TRPM3: variants seen among roughly 807,000 people sequenced by gnomAD.
The protein encoded by TRPM3 is long transient receptor potential channel 3.
Under a neutral mutation model 181.2 loss-of-function variants are expected in TRPM3, and 77 were observed. The observed-to-expected ratio is 0.42, with a 90% confidence interval of 0.35 to 0.51. The LOEUF is 0.51. Among genes scored for constraint, TRPM3 ranks in the 20% least tolerant of loss-of-function variants. The pLI is 0.01. For missense variants in TRPM3, 1,759 were observed against 2,196.7 expected (o/e 0.80, Z 3.98); for synonymous variants, 745 against 796.4 (o/e 0.94, Z 1.09).
chr9:70,701,156 T>A lies in TRPM3; in HGVS notation c.1273-19578A>T, dbSNP rs2072416160. ...GCCAAATAAAAACAAGTGAATTCTC[T>A]TGGATGAAAACGTTTCTAAAAAGGA... On this transcript the variant is annotated intron_variant, in intron 8 of 25. Coordinates refer to ENST00000677713, the MANE Select transcript of TRPM3 (RefSeq NM_001366145.2). Among the ~76,000 whole-genome samples, 4 of 152,226 alleles carry A rather than the reference T, an allele frequency of 2.6e-5. No homozygotes were observed. The South Asian group carries it at 8.3e-4, about 32-fold the overall frequency.
chr9:71,110,885 C>A (rs1317775908), intron 1 of TRPM3, among the ~76,000 whole-genome samples: 1 of 152,062 alleles, frequency 6.6e-6, no homozygotes, highest in Non-Finnish European at 1.5e-5. Flanking sequence ...CTCACATGAG[C>A]TAATGTCACA....
chr9:71,404,980 T>G (rs969161633), intron 1 of TRPM3, among the ~76,000 whole-genome samples: 143 of 152,226 alleles, frequency 9.4e-4, no homozygotes, highest in African/African-American at 3.4e-3. Context: ...CCATGACCCC[T>G]TCGGCTCCTG....
At chr9:71,003,758 C>T (rs1260869756) in intron 1 of TRPM3, among the ~76,000 whole-genome samples, 1 of 151,210 alleles carries the variant, frequency 6.6e-6, no homozygotes, top group Non-Finnish European at 1.5e-5. Context: ...CCCCCGAAAT[C>T]ACTCCCCCCG....
intron 1 of TRPM3, among the ~76,000 whole-genome samples, chr9:70,951,427 C>T (rs1464908244): frequency 1.3e-5 from 2 of 152,122 alleles, no homozygotes; most frequent in African/African-American, 4.8e-5. Context: ...CTGCAACCTC[C>T]ACCTCCCAGG....
intron 1 of TRPM3, among the ~76,000 whole-genome samples, chr9:71,362,817 T>C (rs1269034681): frequency 6.6e-6 from 1 of 152,190 alleles, no homozygotes; most frequent in African/African-American, 2.4e-5. Context: ...TGGCTCCAGC[T>C]AATGATTGCA....
intron 19 of TRPM3, among the ~76,000 whole-genome samples, chr9:70,609,816 G>A (rs1202928357): frequency 6.6e-6 from 1 of 152,100 alleles, no homozygotes; most frequent in Non-Finnish European, 1.5e-5. Context: ...GTTGTGGAAA[G>A]GGCTAAAAAT....
Position 70,877,117 on chromosome 9 carries a change from G to A in TRPM3, c.178-12606C>T, listed in dbSNP as rs373660259. Among the ~76,000 whole-genome samples the A allele has an allele frequency of 2.0e-4, 31 of 151,896 alleles. No individual in the cohort carries two copies. In the South Asian group the frequency reaches 6.0e-3, roughly 30 times the overall value. On this transcript the variant is annotated intron_variant, in intron 1 of 25. Coordinates refer to ENST00000677713, the MANE Select transcript of TRPM3 (RefSeq NM_001366145.2). ...TTTATTAATGGTCTTTTAAAATGAC[G>A]AATTAGCTCATGGCATTTCATCTCC...
At chr9:71,315,697 AAAAC>A (rs1300084080) in intron 1 of TRPM3, among the ~76,000 whole-genome samples, 2 of 152,210 alleles carry the variant, frequency 1.3e-5, no homozygotes, top group Non-Finnish European at 2.9e-5. Context: ...GTATTTAACT[AAAAC>A]AAAGAGGATA....
intron 1 of TRPM3, among the ~76,000 whole-genome samples, chr9:71,047,092 G>T (rs1409323016): frequency 6.6e-6 from 1 of 152,078 alleles, no homozygotes; most frequent in Non-Finnish European, 1.5e-5. Context: ...AGATCATAAG[G>T]GAAATAAAAG....
chr9:71,034,965 AT>A (rs74670373), intron 1 of TRPM3, among the ~76,000 whole-genome samples: 7 of 151,036 alleles, frequency 4.6e-5, no homozygotes, highest in Admixed American at 1.3e-4. Flanking sequence ...AAAATATATA[AT>A]TTTTTTTTGC....
chr9:71,243,312 T>C (rs1316909809), intron 1 of TRPM3, among the ~76,000 whole-genome samples: 1 of 152,152 alleles, frequency 6.6e-6, no homozygotes, highest in Non-Finnish European at 1.5e-5. Flanking sequence ...GCATGAGCCA[T>C]GGTACCCAGC....
At chr9:70,679,911 T>G (rs1230031872) in intron 9 of TRPM3, among the ~76,000 whole-genome samples, 1 of 152,162 alleles carries the variant, frequency 6.6e-6, no homozygotes, top group African/African-American at 2.4e-5. Flanking sequence ...TGCAGTATGC[T>G]TTGTGGTTCA....
chr9:70,992,514 C>T (rs989435716), intron 1 of TRPM3, among the ~76,000 whole-genome samples: 1 of 152,128 alleles, frequency 6.6e-6, no homozygotes, highest in Non-Finnish European at 1.5e-5. Flanking sequence ...TCTCTTGAAG[C>T]TTATAATGTA....
chr9:70,962,386 G>C (rs1277974308), intron 1 of TRPM3, among the ~76,000 whole-genome samples: 1 of 152,066 alleles, frequency 6.6e-6, no homozygotes, highest in East Asian at 1.9e-4. Flanking sequence ...GCAGTTAAAA[G>C]CCAGGCTCAT....
chr9:70,767,830 T>G (rs1012913377), intron 7 of TRPM3, among the ~76,000 whole-genome samples: 2 of 152,178 alleles, frequency 1.3e-5, no homozygotes, highest in Admixed American at 1.3e-4. Context: ...TGGCTTCTCT[T>G]AAAATGAGGG....
intron 1 of TRPM3, among the ~76,000 whole-genome samples, chr9:71,393,338 T>C (rs1286879233): frequency 1.3e-5 from 2 of 152,122 alleles, no homozygotes; most frequent in Non-Finnish European, 2.9e-5. Context: ...GTTGAGAAAA[T>C]ATCTTTTTAT....
rs79100590 is a variant in TRPM3 at position 71,063,641 on chromosome 9, C to T, written c.177+57537G>A. 1.4e-4 allele frequency among the ~76,000 whole-genome samples: 21 copies of T among 152,058 alleles called. No individual in the cohort carries two copies. In the East Asian group the frequency reaches 4.1e-3, roughly 30 times the overall value. ...GGAGTTAATAATGAGCATAAATGCA[C>T]ATTCAGGAGACATTCAGTAGACAAA... On this transcript the variant is annotated intron_variant, in intron 1 of 25. Transcript: ENST00000677713.
intron 1 of TRPM3, among the ~76,000 whole-genome samples, chr9:71,222,681 A>T (rs2080311137): frequency 6.6e-6 from 1 of 152,176 alleles, no homozygotes; most frequent in Non-Finnish European, 1.5e-5. Context: ...GATAGTCTTG[A>T]ATTGACAACA....
chr9:71,125,064 C>T (rs2073948280), upstream of TRPM3, among the ~76,000 whole-genome samples: 3 of 152,134 alleles, frequency 2.0e-5, no homozygotes, highest in South Asian at 6.2e-4. Flanking sequence ...GGGGAAAAAC[C>T]AGGAACAAGC....
Sources: allele counts gnomAD v4.1 joint callset (sites outside exome capture counted in the v4.1 genomes callset), GRCh38; gene constraint gnomAD v4.1.1; transcripts MANE v1.5; gene names NCBI Gene and HGNC (gene_info 2026-07-23, HGNC 2026-07-21).